The following EYS variants were observed in gnomAD, a reference collection of about 807,000 sequenced individuals.
EYS encodes EGF-like photoreceptor maintenance factor, also known as protein eyes shut homolog.
A neutral mutation model predicts 282.1 loss-of-function variants in EYS; 250 were observed. The ratio of observed to expected loss-of-function variants is 0.89; its 90% CI spans 0.80 to 0.98. EYS has a LOEUF of 0.98. EYS is among the 50% of genes least tolerant of loss of function. EYS has a pLI of 0.00. For missense variants in EYS, 4,016 were observed against 3,709.0 expected, an observed-to-expected ratio of 1.08 and a Z score of -2.15; for synonymous variants, 1,355 against 1,282.9, an observed-to-expected ratio of 1.06 and a Z score of -1.20.
chr6:64,245,488 G>A (rs887515793), intron 30 of EYS, among the ~76,000 whole-genome samples: 4 of 149,136 alleles, frequency 2.7e-5, no homozygotes, highest in African/African-American at 7.7e-5. Flanking sequence ...CTTATACTCC[G>A]TTTTTATGGC....
chr6:65,645,371 T>C (rs1767414621), intron 1 of EYS, among the ~76,000 whole-genome samples: 1 of 152,026 alleles, frequency 6.6e-6, no homozygotes, highest in African/African-American at 2.4e-5. Flanking sequence ...AGAAATCAAC[T>C]CCAAAAGGAA....
chr6:64,003,416 T>C (rs1582113724), intron 33 of EYS, among the ~76,000 whole-genome samples: 5 of 152,324 alleles, frequency 3.3e-5, no homozygotes, highest in Admixed American at 3.3e-4. Context: ...CAATAACAAC[T>C]TAATTGTATG....
At chr6:64,752,968 A>C (rs1772811832) in intron 22 of EYS, among the ~76,000 whole-genome samples, 1 of 152,258 alleles carries the variant, frequency 6.6e-6, no homozygotes, top group South Asian at 2.1e-4. Context: ...AGGGAAAAAA[A>C]CTATCAGACA....
intron 33 of EYS, among the ~76,000 whole-genome samples, chr6:64,022,739 A>G (rs973280828): frequency 2.0e-5 from 3 of 152,226 alleles, no homozygotes; most frequent in African/African-American, 7.2e-5. Context: ...GACTCTAAGA[A>G]TAGTTTTACC....
chr6:64,857,658 T>G (rs1000397775), intron 19 of EYS, among the ~76,000 whole-genome samples: 7 of 152,168 alleles, frequency 4.6e-5, no homozygotes, highest in Admixed American at 4.6e-4. Context: ...GCATTTCTAT[T>G]TTTAGTTTTT....
At chr6:64,866,024 T>G (rs1766415281) in intron 19 of EYS, among the ~76,000 whole-genome samples, 2 of 152,026 alleles carry the variant, frequency 1.3e-5, no homozygotes, top group Non-Finnish European at 2.9e-5. Flanking sequence ...AAATTGAAAG[T>G]GTTAAGTAAA....
chr6:63,765,594 C>T (rs1769768027), intron 40 of EYS, among the ~76,000 whole-genome samples: 1 of 151,820 alleles, frequency 6.6e-6, no homozygotes. Flanking sequence ...ATGATCACAT[C>T]ATGGAAAATA....
intron 26 of EYS, among the ~76,000 whole-genome samples, chr6:64,571,136 C>T (rs1765712340): frequency 6.6e-6 from 1 of 152,136 alleles, no homozygotes; most frequent in African/African-American, 2.4e-5. Flanking sequence ...TCACTCAAAA[C>T]CACACAACTA....
intron 19 of EYS, among the ~76,000 whole-genome samples, chr6:64,850,860 A>G (rs9351446): frequency 0.15 from 23,147 of 152,048 alleles, 1,993 homozygotes; most frequent in East Asian, 0.43. Context: ...TTTATTTTGA[A>G]ATAGCTAGAT....
At chr6:64,589,853 TAGAAAG>T (rs1027062183) in intron 26 of EYS, among the ~76,000 whole-genome samples, 1 of 152,064 alleles carries the variant, frequency 6.6e-6, no homozygotes, top group African/African-American at 2.4e-5. Context: ...AAGATACCGT[TAGAAAG>T]AGTATGTTAT....
intron 31 of EYS, among the ~76,000 whole-genome samples, chr6:64,122,254 G>A (rs138364281): frequency 6.6e-6 from 1 of 152,170 alleles, no homozygotes; most frequent in African/African-American, 2.4e-5. Context: ...TACATTTTAA[G>A]TATTAAATTG....
chr6:63,970,662 T>C (rs1292919828), intron 35 of EYS, among the ~76,000 whole-genome samples: 1 of 151,546 alleles, frequency 6.6e-6, no homozygotes, highest in Non-Finnish European at 1.5e-5. Context: ...TGTGGGATGA[T>C]GGAGCACACC....
At chr6:64,174,104 C>T (rs1370684935) in intron 31 of EYS, among the ~76,000 whole-genome samples, 1 of 152,038 alleles carries the variant, frequency 6.6e-6, no homozygotes, top group Non-Finnish European at 1.5e-5. Flanking sequence ...TTACATGGGG[C>T]ATCTAAAATA....
At chr6:63,825,237 G>A (rs1771428189) in intron 36 of EYS, among the ~76,000 whole-genome samples, 1 of 152,268 alleles carries the variant, frequency 6.6e-6, no homozygotes, top group East Asian at 1.9e-4. Flanking sequence ...CTCCACAGCA[G>A]CCACAGCAAA....
intron 12 of EYS, among the ~76,000 whole-genome samples, chr6:65,222,728 C>A (rs182374266): frequency 6.6e-5 from 10 of 152,178 alleles, no homozygotes; most frequent in African/African-American, 2.4e-4. Context: ...GTCACAGGAT[C>A]TTTGCTCAGG....
chr6:64,673,241 GC>G (rs977211470), intron 22 of EYS, among the ~76,000 whole-genome samples: 14 of 152,170 alleles, frequency 9.2e-5, no homozygotes, highest in African/African-American at 3.4e-4. Flanking sequence ...GAGAAACAGT[GC>G]ATAGACATCC....
At chr6:65,546,833 A>G (rs1768409718) in intron 2 of EYS, among the ~76,000 whole-genome samples, 2 of 152,106 alleles carry the variant, frequency 1.3e-5, no homozygotes, top group African/African-American at 4.8e-5. Context: ...GACCTCCCAA[A>G]GTGCTGGGAC....
chr6:65,242,591 A>C (rs2150276798), intron 12 of EYS, among the ~76,000 whole-genome samples: 1 of 152,218 alleles, frequency 6.6e-6, no homozygotes, highest in East Asian at 1.9e-4. Context: ...TTTTTGGACA[A>C]CTTTTCTGTA....
Position 64,993,490 on chromosome 6 carries a change from C to A in EYS, c.2259+4092G>T, listed in dbSNP as rs984571462. On this transcript the variant is annotated intron_variant, in intron 14 of 42. Transcript: ENST00000503581. ...ACTACCGCAAGGACAAAAAATCAAA[C>A]CTGCATGTTCTCACTCATAGGTGGG... 3.4e-5 allele frequency among the ~76,000 whole-genome samples: 5 copies of A among 147,592 alleles called. No homozygotes were observed. In the East Asian group the frequency reaches 1.0e-3, roughly 30 times the overall value.
Sources: gnomAD v4.1 joint callset for allele counts (sites outside exome capture counted in the v4.1 genomes callset) on GRCh38, gnomAD v4.1.1 for gene constraint, MANE v1.5 for transcripts, NCBI Gene and HGNC (gene_info 2026-07-23, HGNC 2026-07-21) for gene names.